The following ADCY9 variants were observed in gnomAD, a reference collection of about 807,000 sequenced individuals.
ADCY9 encodes the protein adenylate cyclase 9.
Under a neutral mutation model 101.5 loss-of-function variants are expected in ADCY9, and 50 were observed. The observed-to-expected ratio is 0.49, with a 90% CI of 0.39 to 0.62. The LOEUF (loss-of-function observed/expected upper bound fraction) is 0.62. Ranked by LOEUF, ADCY9 falls within the 20% of genes least tolerant of loss-of-function variation. ADCY9 has a pLI of 0.00. For missense variants in ADCY9, 1,662 were observed against 1,800.4 expected (o/e 0.92, Z 1.39); for synonymous variants, 905 against 769.3 (o/e 1.18, Z -2.92).
At chr16:4,018,395 T>C (rs35882017) in intron 2 of ADCY9, among the ~76,000 whole-genome samples, 8,896 of 152,162 alleles carry the variant, frequency 0.058, 342 homozygotes, top group Non-Finnish European at 0.092. Flanking sequence ...GTGTTTTTAG[T>C]ACAGTTGGGG....
chr16:4,038,527 G>T (rs929303747), intron 2 of ADCY9, among the ~76,000 whole-genome samples: 1 of 152,100 alleles, frequency 6.6e-6, no homozygotes, highest in Non-Finnish European at 1.5e-5. Context: ...AGAACTGTAA[G>T]AAATAAATTT....
chr16:4,018,971 T>TGTGTGTGTGTGTGTGTGTGTG (rs1567440030), intron 2 of ADCY9, among the ~76,000 whole-genome samples: 7 of 7,220 alleles, frequency 9.7e-4, no homozygotes, highest in Non-Finnish European at 2.7e-3. Flanking sequence ...GTGTGTGTGT[T>TGTGTGTGTGTGTGTGTGTGTG]TTGTTTTGTT....
At chr16:4,055,785 G>C (rs34140544) in intron 2 of ADCY9, among the ~76,000 whole-genome samples, 87,728 of 151,672 alleles carry the variant, frequency 0.58, 25,850 homozygotes, top group South Asian at 0.7. Flanking sequence ...AGTGAGCCGA[G>C]ATGGTGCCAC....
Position 4,113,780 on chromosome 16 carries a change from C to T in ADCY9, c.1663G>A (p.Gly555Ser). ...MEDGKVIERL[G>S]QSVVADQLKG... Reference sequence around the variant, plus strand: ...AACTGGTCAGCAACCACGCTCTGGCCCAGCCGTTCAATAACTTTCCCATCT... The same window carrying T: ...AACTGGTCAGCAACCACGCTCTGGCTCAGCCGTTCAATAACTTTCCCATCT... The change falls in exon 2 of 11, where the codon GGC becomes AGC. Residue 555 changes from glycine (G) to serine (S), a missense_variant. Physicochemically the swap from Gly to Ser is moderately conservative, Grantham distance 56. This residue lies in a region of ADCY9 where 624 missense variants were observed against 639.1 expected (regional missense o/e 0.98). Coordinates refer to ENST00000294016, the MANE Select transcript of ADCY9 (RefSeq NM_001116.4). The T allele has an allele frequency of 6.2e-7, 1 of 1,613,752 alleles. No individual in the cohort carries two copies. The highest frequency in any genetic ancestry group is 8.5e-7 in the Non-Finnish European group (1 of 1,179,772).
intron 7 of ADCY9, 36 bp from the exon 8 acceptor site, chr16:3,979,311 G>GCCC (rs776413691): frequency 6.2e-7 from 1 of 1,608,166 alleles, no homozygotes; most frequent in South Asian, 1.1e-5. Flanking sequence ...GAGCGACGGG[G>GCCC]CCCGGGGTGG....
In ADCY9 at chr16:4,104,190, CCA is replaced by C. The variant is rs2057061776; in HGVS notation, c.1693+9558_1693+9559del. 2.0e-5 allele frequency among the ~76,000 whole-genome samples: 3 copies of C among 152,250 alleles called. No homozygotes were observed. In the East Asian group the frequency reaches 5.8e-4, roughly 29 times the overall value. On this transcript the variant is annotated intron_variant, in intron 2 of 10. Transcript: ENST00000294016. Reference sequence around the variant, plus strand: ...TATTTGCCGCCAATGATAAAAAATTCCAGTTTTCAAGTAGAGTTTTGGAAAAC... The same window carrying C: ...TATTTGCCGCCAATGATAAAAAATTCGTTTTCAAGTAGAGTTTTGGAAAAC...
At chr16:4,100,769 A>T (rs1380596556) in intron 2 of ADCY9, among the ~76,000 whole-genome samples, 2 of 151,900 alleles carry the variant, frequency 1.3e-5, no homozygotes, top group Non-Finnish European at 2.9e-5. Context: ...GAAAAGAAAA[A>T]AACAAACTCA....
chr16:4,097,487 T>TATATATACACACACACAC lies in ADCY9; in HGVS notation c.1693+16262_1693+16263insGTGTGTGTGTGTATATAT, dbSNP rs76750792. ...ATATATATATATATATATATATATA[T>TATATATACACACACACAC]ACACACACACACACTATATATATGT... On this transcript the variant is annotated intron_variant, in intron 2 of 10. Transcript: ENST00000294016. Among the ~76,000 whole-genome samples the TATATATACACACACACAC allele has an allele frequency of 8.7e-3, 625 of 72,180 alleles. 7 individuals carry two copies. The highest frequency in any genetic ancestry group is 0.012 in the Non-Finnish European group (436 of 37,480). The allele number at this position is 72,180 out of a possible 152,430, so 47.4% of individuals were successfully genotyped here.
chr16:4,025,801 G>A (rs778435162), intron 2 of ADCY9, among the ~76,000 whole-genome samples: 6 of 152,184 alleles, frequency 3.9e-5, no homozygotes, highest in Non-Finnish European at 7.4e-5. Flanking sequence ...TTCAGGGAAG[G>A]GGGTGTGTTT....
intron 2 of ADCY9, among the ~76,000 whole-genome samples, chr16:4,086,896 G>T (rs551670088): frequency 6.6e-6 from 1 of 151,814 alleles, no homozygotes; most frequent in Non-Finnish European, 1.5e-5. Context: ...CTGACCTCAG[G>T]TGATCCGCCC....
intron 2 of ADCY9, among the ~76,000 whole-genome samples, chr16:4,024,722 G>A (rs183452966): frequency 5.3e-4 from 81 of 152,220 alleles, no homozygotes; most frequent in African/African-American, 1.8e-3. Flanking sequence ...AGGCAGAACC[G>A]ACAGGATGTG....
At chr16:3,972,796 A>G (rs1019483141) in intron 10 of ADCY9, among the ~76,000 whole-genome samples, 2 of 150,014 alleles carry the variant, frequency 1.3e-5, no homozygotes, top group Admixed American at 1.3e-4. Context: ...GTGGGGTTGG[A>G]GGGCTTCTGG....
At chr16:4,111,584 T>C (rs2057114061) in intron 2 of ADCY9, among the ~76,000 whole-genome samples, 1 of 152,136 alleles carries the variant, frequency 6.6e-6, no homozygotes, top group Non-Finnish European at 1.5e-5. Flanking sequence ...GGAAGTTGTG[T>C]AGACATACTC....
intron 2 of ADCY9, among the ~76,000 whole-genome samples, chr16:4,104,938 G>C (rs540203405): frequency 6.6e-6 from 1 of 151,988 alleles, no homozygotes; most frequent in East Asian, 1.9e-4. Context: ...GTGTGGTGGT[G>C]CGTGCCTGTA....
At position 4,114,774 on chromosome 16, in the gene ADCY9, G is replaced by A. The variant is rs1483298596; in HGVS notation, c.669C>T (p.Ser223=). The A allele has an allele frequency of 6.2e-7, 1 of 1,613,142 alleles. No individual in the cohort carries two copies. The highest frequency in any genetic ancestry group is 1.3e-5 in the African/African-American group (1 of 74,944). The part of the protein sequence containing the change: ...PTDTCLSQVG[S]FSMCIEVLFL... ...AGAGCACTTCGATGCACATGGAGAA[G>A]CTCCCCACTTGAGATAAGCAAGTAT... is the stretch of plus-strand genomic sequence containing the variant. The change falls in exon 2 of 11, where the codon AGC becomes AGT. Residue 223 remains serine (S), a synonymous_variant. Transcript: ENST00000294016. This position sits in a 1 kb window ranked among gnomAD's most constrained non-coding sequence, Gnocchi z 4.3.
intron 2 of ADCY9, among the ~76,000 whole-genome samples, chr16:4,107,086 G>T (rs2057082019): frequency 6.6e-6 from 1 of 152,194 alleles, no homozygotes; most frequent in Admixed American, 6.5e-5. Context: ...CTGTAAGCCA[G>T]GTCTCAAAGA....
Position 4,115,664 on chromosome 16 carries a change from G to T in ADCY9, c.-44+26C>A. ...CGCCCCCACCGCCCCCACCTTCGAGGCGCACGAGAACCGCTCGGGACGGAC... is the reference window on the plus strand; with the variant it reads ...CGCCCCCACCGCCCCCACCTTCGAGTCGCACGAGAACCGCTCGGGACGGAC... On this transcript the variant is annotated intron_variant, in intron 1 of 10. Transcript: ENST00000294016. The surrounding 1 kb of genome is among the most constrained non-coding windows in gnomAD (Gnocchi z 6.2). 1.7e-6 allele frequency: 1 copy of T among 596,842 alleles called. No individual in the cohort carries two copies. Among genetic ancestry groups the T allele is most frequent in the Non-Finnish European group, 2.8e-6 (1 of 352,624 alleles). 37.0% of individuals were successfully genotyped at this position (596,842 alleles called of 1,614,324 possible).
chr16:3,954,503 C>T (rs989654233), intron 5 of ADCY9, among the ~76,000 whole-genome samples: 4 of 152,144 alleles, frequency 2.6e-5, no homozygotes, highest in Admixed American at 1.3e-4. Context: ...GTGCTGAAAC[C>T]AGAAGGGACC....
chr16:4,097,554 T>TATATA lies in ADCY9; in HGVS notation c.1693+16195_1693+16196insTATAT, dbSNP rs1491239469. The stretch of plus-strand genomic sequence containing the variant: ...ATATATATATATATATATATATATA[T>TATATA]TTTTTTTTTTTTTTTTTAAGACAGA... On this transcript the variant is annotated intron_variant, in intron 2 of 10. Coordinates refer to ENST00000294016, the MANE Select transcript of ADCY9 (RefSeq NM_001116.4). Among the ~76,000 whole-genome samples, 35 of 24,130 alleles carry TATATA rather than the reference T, an allele frequency of 1.5e-3. 1 individual carries two copies. The highest frequency in any genetic ancestry group is 5.1e-3 in the African/African-American group (20 of 3,924). The allele number at this position is 24,130 out of a possible 152,430, so 15.8% of individuals were successfully genotyped here.
Sources: gnomAD v4.1 joint callset for allele counts (sites outside exome capture counted in the v4.1 genomes callset) on GRCh38, gnomAD v4.1.1 for gene constraint, gnomAD v4.1.1 regional missense constraint, Gnocchi (gnomAD v3.1) non-coding constraint, MANE v1.5 for transcripts, NCBI Gene and HGNC (gene_info 2026-07-23, HGNC 2026-07-21) for gene names.